The following KIF2C variants were observed in gnomAD, a reference collection of about 807,000 sequenced individuals.
KIF2C encodes kinesin-like protein KIF2C.
A neutral mutation model predicts 97.4 loss-of-function variants in KIF2C; 34 were observed. The observed-to-expected ratio is 0.35, with a 90% confidence interval of 0.27 to 0.46. The LOEUF (loss-of-function observed/expected upper bound fraction) is 0.46. KIF2C is among the 20% of genes least tolerant of loss of function. The probability of loss-of-function intolerance (pLI) is 1.00; values close to 1 mark genes in which losing one functional copy is unlikely to be tolerated. For missense variants in KIF2C, 750 were observed against 907.6 expected, an observed-to-expected ratio of 0.83 and a Z score of 2.23; for synonymous variants, 313 against 318.2, an observed-to-expected ratio of 0.98 and a Z score of 0.17.
intron 8 of KIF2C, among the ~76,000 whole-genome samples, chr1:44,755,067 C>T (rs541544843): frequency 6.6e-6 from 1 of 151,672 alleles, no homozygotes; most frequent in East Asian, 2.0e-4. Context: ...GTGATCCTCC[C>T]CACCTCATCC....
chr1:44,749,333 C>T (rs1417635566), intron 4 of KIF2C, among the ~76,000 whole-genome samples: 1 of 152,108 alleles, frequency 6.6e-6, no homozygotes, highest in Non-Finnish European at 1.5e-5. Context: ...ACTCAGGAAG[C>T]TGAGGCAGGA....
chr1:44,744,064 CT>C (rs1553154541), intron 2 of KIF2C, among the ~76,000 whole-genome samples: 1 of 148,458 alleles, frequency 6.7e-6, no homozygotes, highest in Non-Finnish European at 1.5e-5. Context: ...CATTCAGAGC[CT>C]TTTCAAGCTC....
In KIF2C at chr1:44,740,979, C is replaced by T. The variant is rs749629249; in HGVS notation, c.137C>T (p.Ala46Val). 2 of 1,613,672 alleles carry T rather than the reference C, an allele frequency of 1.2e-6. No individual in the cohort carries two copies. Among genetic ancestry groups the T allele is most frequent in the Non-Finnish European group, 1.7e-6 (2 of 1,179,714 alleles). ...LEKSCVSVEW[A>V]EGGATKGKEI... ...AAATCCTGTGTTTCAGTGGAATGGG[C>T]AGAAGGAGGTGCCACAAAGGGCAAA... is the stretch of plus-strand genomic sequence containing the variant. The change falls in exon 2 of 21, where the codon GCA becomes GTA. Residue 46 changes from alanine (A) to valine (V), a missense_variant. Coordinates refer to ENST00000372224, the MANE Select transcript of KIF2C (RefSeq NM_006845.4).
At chr1:44,751,582 A>G (rs1649519271) in intron 5 of KIF2C, among the ~76,000 whole-genome samples, 1 of 142,356 alleles carries the variant, frequency 7.0e-6, no homozygotes, top group Admixed American at 7.3e-5. Context: ...TATCTTGGCT[A>G]ACCTCAATCT....
In KIF2C at chr1:44,752,979, C is replaced by G. The variant is rs540532004; in HGVS notation, c.440-153C>G. Among the ~76,000 whole-genome samples, 5 of 152,306 alleles carry G rather than the reference C, an allele frequency of 3.3e-5. No homozygotes were observed. In the South Asian group the frequency reaches 1.0e-3, roughly 32 times the overall value. On this transcript the variant is annotated intron_variant, in intron 5 of 20. Transcript: ENST00000372224. ...CTTGCAGAAAGGGTGAGAGTGTGGG[C>G]TGAGGTGAAGGGAAAAGCACAAGCT...
intron 7 of KIF2C, 87 bp downstream of exon 7, chr1:44,753,920 C>A: frequency 1.7e-6 from 1 of 581,648 alleles, no homozygotes. Flanking sequence ...CAGTTGGGCC[C>A]CAGCATTTCT....
At chr1:44,740,802 G>A in intron 1 of KIF2C, 111 bp from the exon 2 acceptor site, 1 of 308,722 alleles carries the variant, frequency 3.2e-6, no homozygotes, top group Non-Finnish European at 6.3e-6. Context: ...TTTTTTTTAA[G>A]GTAGCTGCCT....
intron 19 of KIF2C, among the ~76,000 whole-genome samples, chr1:44,763,975 G>A (rs938977211): frequency 3.3e-5 from 5 of 151,994 alleles, no homozygotes; most frequent in African/African-American, 7.2e-5. Context: ...AAAGGTTGTA[G>A]TGAGTCAAGA....
At chr1:44,744,123 C>T (rs990585019) in intron 2 of KIF2C, among the ~76,000 whole-genome samples, 1 of 151,404 alleles carries the variant, frequency 6.6e-6, no homozygotes, top group African/African-American at 2.4e-5. Context: ...CAAAGTCTCA[C>T]TCTATCGCCA....
chr1:44,744,177 G>A (rs989562440), intron 2 of KIF2C, among the ~76,000 whole-genome samples: 1 of 151,626 alleles, frequency 6.6e-6, no homozygotes, highest in Non-Finnish European at 1.5e-5. Context: ...AGCCGATTTC[G>A]GCTCACTACA....
rs1200840091 is a variant in KIF2C, at chr1:44,755,958, TAGGAA to T, written c.791_795del (p.Arg264ThrfsTer5). Reference sequence around the variant, plus strand: ...AAGAGCACAGAATATGTGTCTGTGTTAGGAAACGCCCACTGAATAAGCAAGGTAAG... The same window carrying T: ...AAGAGCACAGAATATGTGTCTGTGTTACGCCCACTGAATAAGCAAGGTAAG... On this transcript the variant is annotated frameshift_variant, in exon 9 of 21. Coordinates refer to ENST00000372224, the MANE Select transcript of KIF2C (RefSeq NM_006845.4). LOFTEE classifies it high-confidence loss of function. 2.5e-6 allele frequency: 4 copies of T among 1,614,038 alleles called. No homozygotes were observed. The highest frequency in any genetic ancestry group is 3.4e-6 in the Non-Finnish European group (4 of 1,180,038).
rs202238132 is a variant in KIF2C, at chr1:44,760,623, C to T, written c.1604C>T (p.Ala535Val). 2 of 1,614,166 alleles carry T rather than the reference C, an allele frequency of 1.2e-6. No homozygotes were observed. The highest frequency in any genetic ancestry group is 1.7e-5 in the Admixed American group (1 of 60,020). ...ATCAGGGCCCTGGGACAGAACAAGG[C>T]TCACACCCCGTTCCGTGAGAGCAAG... ...ECIRALGQNK[A>V]HTPFRESKLT... The change falls in exon 16 of 21, where the codon GCT becomes GTT. Residue 535 changes from alanine (A) to valine (V), a missense_variant. By Grantham distance (64) the Ala-to-Val change is moderately conservative. Coordinates refer to ENST00000372224, the MANE Select transcript of KIF2C (RefSeq NM_006845.4). The surrounding 1 kb of genome is among the most constrained non-coding windows in gnomAD (Gnocchi z 4.2).
Position 44,755,896 on chromosome 1 carries a change from T to C in KIF2C, c.760-33T>C, listed in dbSNP as rs1649801602. ...CGCTTTTGAAATTGCTCTGACCCTT[T>C]GCTGTTGGTTGCCTCCTCTCATCCG... is the stretch of plus-strand genomic sequence containing the variant. On this transcript the variant is annotated intron_variant, in intron 8 of 20. Coordinates refer to ENST00000372224, the MANE Select transcript of KIF2C (RefSeq NM_006845.4). 2.5e-6 allele frequency: 4 copies of C among 1,610,250 alleles called. No individual in the cohort carries two copies. In the African/African-American group the frequency reaches 5.3e-5, roughly 22 times the overall value.
chr1:44,746,322 G>A lies in KIF2C; in HGVS notation c.166-1062G>A, dbSNP rs192517671. On this transcript the variant is annotated intron_variant, in intron 2 of 20. Coordinates refer to ENST00000372224, the MANE Select transcript of KIF2C (RefSeq NM_006845.4). ...TCCTGGTGAAGTTTGAGTTGTTCCT[G>A]GAGAATTGCAGGACTCTGATGATGT... 740 of 994,248 alleles carry A rather than the reference G, an allele frequency of 7.4e-4. 3 individuals carry two copies. Among genetic ancestry groups the A allele is most frequent in the Non-Finnish European group, 6.5e-4 (543 of 832,164 alleles). The allele number at this position is 994,248 out of a possible 1,614,324, so 61.6% of individuals were successfully genotyped here. A position where few individuals can be genotyped will look rare whatever the true frequency, so the allele number is the denominator to read the frequency against.
intron 5 of KIF2C, among the ~76,000 whole-genome samples, chr1:44,751,852 C>T (rs1333257535): frequency 3.3e-4 from 36 of 107,676 alleles, no homozygotes; most frequent in Non-Finnish European, 5.6e-4. Flanking sequence ...GATGGAGTCT[C>T]GCTGTGTCGC....
chr1:44,748,780 C>G (rs1418400760), intron 4 of KIF2C, among the ~76,000 whole-genome samples: 3 of 148,662 alleles, frequency 2.0e-5, no homozygotes, highest in Non-Finnish European at 4.4e-5. Flanking sequence ...CTCCTGGCCT[C>G]AAGTGATCCT....
chr1:44,746,223 A>C (rs1457103081), intron 2 of KIF2C, among the ~76,000 whole-genome samples: 1 of 152,214 alleles, frequency 6.6e-6, no homozygotes, highest in Non-Finnish European at 1.5e-5. Flanking sequence ...CCTAGAGTAC[A>C]TGCTTCAGCT....
intron 1 of KIF2C, among the ~76,000 whole-genome samples, chr1:44,740,556 T>C (rs1344369762): frequency 6.6e-6 from 1 of 152,206 alleles, no homozygotes; most frequent in African/African-American, 2.4e-5. Context: ...AGATCCTCAA[T>C]GCTATGTTGA....
intron 2 of KIF2C, among the ~76,000 whole-genome samples, chr1:44,742,492 C>T (rs937391169): frequency 5.9e-5 from 9 of 151,308 alleles, no homozygotes; most frequent in Non-Finnish European, 8.9e-5. Flanking sequence ...CCGAGGTGGG[C>T]GGATCACTTG....
Sources: gnomAD v4.1 joint callset for allele counts (sites outside exome capture counted in the v4.1 genomes callset) on GRCh38, gnomAD v4.1.1 for gene constraint, Gnocchi (gnomAD v3.1) non-coding constraint, MANE v1.5 for transcripts, NCBI Gene and HGNC (gene_info 2026-07-23, HGNC 2026-07-21) for gene names.